The following SLC35F5 variants were observed in gnomAD, a reference collection of about 807,000 sequenced individuals.
SLC35F5 encodes solute carrier family 35 member F5.
A neutral mutation model predicts 68.6 loss-of-function variants in SLC35F5; 54 were observed. The ratio of observed to expected loss-of-function variants is 0.79; its 90% confidence interval spans 0.63 to 0.99. The LOEUF is 0.99. Among genes scored for constraint, SLC35F5 ranks in the 50% least tolerant of loss-of-function variants. SLC35F5 has a pLI of 0.00. For missense variants in SLC35F5, 567 were observed against 626.9 expected (o/e 0.90, Z 1.02); for synonymous variants, 211 against 205.2 (o/e 1.03, Z -0.24).
rs1168577781 is a variant in SLC35F5, at chr2:113,713,936, GA to G, written c.*1281del. ...AATAGGAAGCTAAACACTGCAAAGAGAATTCTTAAAAATCAGATTAGTTAAG... is the reference window on the plus strand; with the variant it reads ...AATAGGAAGCTAAACACTGCAAAGAGATTCTTAAAAATCAGATTAGTTAAG... On this transcript the variant is annotated 3_prime_UTR_variant, in exon 16 of 16. Coordinates refer to ENST00000245680, the MANE Select transcript of SLC35F5 (RefSeq NM_025181.5). 6.6e-6 allele frequency: 1 copy of G among 152,048 alleles called. No individual in the cohort carries two copies. The highest frequency in any genetic ancestry group is 2.4e-5 in the African/African-American group (1 of 41,420). The allele number at this position is 152,048 out of a possible 1,614,324, so 9.4% of individuals were successfully genotyped here.
rs1450814429 is a variant in SLC35F5, at chr2:113,711,709, C to T, written c.*3509G>A. 6.6e-6 allele frequency among the ~76,000 whole-genome samples: 1 copy of T among 152,146 alleles called. No homozygotes were observed. Among genetic ancestry groups the T allele is most frequent in the Non-Finnish European group, 1.5e-5 (1 of 68,034 alleles). On this transcript the variant is annotated 3_prime_UTR_variant, in exon 16 of 16. Coordinates refer to ENST00000245680, the MANE Select transcript of SLC35F5 (RefSeq NM_025181.5). ...AATGTTAGCTATGTAAGTTTATCTG[C>T]AGATGTTACAGGTAATTATTTCTGT...
At chr2:113,705,248 A>C (rs1252241697), downstream of SLC35F5, 3 of 152,304 alleles carry the variant, frequency 2.0e-5, no homozygotes, top group African/African-American at 7.2e-5. Context: ...GTCACCCTAG[A>C]GACCCTTGAA....
chr2:113,747,532 A>G (rs1369852594), intron 4 of SLC35F5, among the ~76,000 whole-genome samples: 2 of 152,222 alleles, frequency 1.3e-5, no homozygotes, highest in African/African-American at 4.8e-5. Context: ...AAGGGAGTCA[A>G]TGTAGAAAAA....
Position 113,712,721 on chromosome 2 carries a change from GGTCATAATTTGAAAC to G in SLC35F5, c.*2482_*2496del, listed in dbSNP as rs1687033572. 1 of 152,096 alleles carries G rather than the reference GGTCATAATTTGAAAC, an allele frequency of 6.6e-6. No individual in the cohort carries two copies. The allele number at this position is 152,096 out of a possible 1,614,324, so 9.4% of individuals were successfully genotyped here. A position where few individuals can be genotyped will look rare whatever the true frequency, so the allele number is the denominator to read the frequency against. ...GACAAAACAGACTTCCTTCAATCCAGGTCATAATTTGAAACGTTATACAATAATGAGATTTAAGTG... is the reference window on the plus strand; with the variant it reads ...GACAAAACAGACTTCCTTCAATCCAGGTTATACAATAATGAGATTTAAGTG... On this transcript the variant is annotated 3_prime_UTR_variant, in exon 16 of 16. Transcript: ENST00000245680.
At position 113,714,729 on chromosome 2, in the gene SLC35F5, A is replaced by G. The variant is rs938696246; in HGVS notation, c.*489T>C. ...AAATTAAACATTTTTTGTGTGGTTAATTTGCAATATTCTACAAAACCCAAA... is the reference window on the plus strand; with the variant it reads ...AAATTAAACATTTTTTGTGTGGTTAGTTTGCAATATTCTACAAAACCCAAA... On this transcript the variant is annotated 3_prime_UTR_variant, in exon 16 of 16. Coordinates refer to ENST00000245680, the MANE Select transcript of SLC35F5 (RefSeq NM_025181.5). 1.3e-5 allele frequency: 2 copies of G among 152,212 alleles called. No individual in the cohort carries two copies. The highest frequency in any genetic ancestry group is 4.8e-5 in the African/African-American group (2 of 41,456). 9.4% of individuals were successfully genotyped at this position (152,212 alleles called of 1,614,324 possible).
intron 3 of SLC35F5, among the ~76,000 whole-genome samples, chr2:113,752,714 A>G (rs1389321642): frequency 1.3e-5 from 2 of 152,178 alleles, no homozygotes; most frequent in East Asian, 3.8e-4. Context: ...GATACCACAA[A>G]TGCAATGCGT....
Position 113,707,797 on chromosome 2 carries a change from G to A in SLC35F5, c.*7421C>T, listed in dbSNP as rs528538511. Among the ~76,000 whole-genome samples the A allele has an allele frequency of 1.3e-5, 2 of 152,192 alleles. No homozygotes were observed. The highest frequency in any genetic ancestry group is 4.1e-4 in the South Asian group (2 of 4,822). ...ACTGGTTTTGAACTCCTAATCTCAG[G>A]TGATCCACCCGCCTCGGACTCCCAA... On this transcript the variant is annotated 3_prime_UTR_variant, in exon 16 of 16. Transcript: ENST00000245680.
At chr2:113,751,321 C>T (rs1458177420) in intron 3 of SLC35F5, among the ~76,000 whole-genome samples, 1 of 152,116 alleles carries the variant, frequency 6.6e-6, no homozygotes, top group African/African-American at 2.4e-5. Context: ...AGGTTATGGA[C>T]GTTTCCCAAG....
At chr2:113,744,973 CT>C (rs1225080054) in intron 5 of SLC35F5, among the ~76,000 whole-genome samples, 1 of 151,926 alleles carries the variant, frequency 6.6e-6, no homozygotes, top group African/African-American at 2.4e-5. Flanking sequence ...ATTAACAGAA[CT>C]TTTTTTTATT....
chr2:113,756,571 C>T lies in SLC35F5; in HGVS notation c.-162G>A. 6.9e-7 allele frequency: 1 copy of T among 1,439,408 alleles called. No individual in the cohort carries two copies. The highest frequency in any genetic ancestry group is 9.1e-7 in the Non-Finnish European group (1 of 1,099,800). The allele number at this position is 1,439,408 out of a possible 1,614,324, so 89.2% of individuals were successfully genotyped here. A position where few individuals can be genotyped will look rare whatever the true frequency, so the allele number is the denominator to read the frequency against. On this transcript the variant is annotated 5_prime_UTR_variant, in exon 1 of 16. Coordinates refer to ENST00000245680, the MANE Select transcript of SLC35F5 (RefSeq NM_025181.5). ...CCCGACACCACCCAACTCCACTCGG[C>T]CCAGGAGGGCGTGGAGCGGGTGAGG...
intron 1 of SLC35F5, chr2:113,755,947 T>C (rs1676966265): frequency 6.5e-7 from 1 of 1,550,314 alleles, no homozygotes; most frequent in Non-Finnish European, 8.7e-7. Flanking sequence ...GAGTGGAATT[T>C]GGTTATCGGA....
intron 3 of SLC35F5, among the ~76,000 whole-genome samples, chr2:113,752,833 T>C (rs1271556383): frequency 6.6e-6 from 1 of 152,188 alleles, no homozygotes; most frequent in Non-Finnish European, 1.5e-5. Flanking sequence ...CAGATGATCT[T>C]AAGGAATTAC....
downstream of SLC35F5, among the ~76,000 whole-genome samples, chr2:113,705,815 ATCTTT>A (rs1209056619): frequency 2.9e-5 from 4 of 136,026 alleles, no homozygotes; most frequent in Non-Finnish European, 6.6e-5. Context: ...TTTCATTCTT[ATCTTT>A]TGTCACTGAA....
intron 5 of SLC35F5, among the ~76,000 whole-genome samples, chr2:113,745,316 G>A (rs1245566695): frequency 6.6e-6 from 1 of 152,048 alleles, no homozygotes; most frequent in Admixed American, 6.6e-5. Flanking sequence ...GCATGCCATC[G>A]CAGTTCTAAA....
At chr2:113,720,390 A>G (rs1411636380) in intron 13 of SLC35F5, among the ~76,000 whole-genome samples, 1 of 151,830 alleles carries the variant, frequency 6.6e-6, no homozygotes, top group Non-Finnish European at 1.5e-5. Context: ...AACATATACT[A>G]TTCCATTTCA....
intron 1 of SLC35F5, 42 bp from the exon 2 acceptor site, chr2:113,755,586 C>A (rs745662594): frequency 7.8e-6 from 12 of 1,543,388 alleles, no homozygotes; most frequent in Admixed American, 5.2e-5. Context: ...ACGTGAATAA[C>A]TCAAGGTAAG....
At position 113,711,313 on chromosome 2, in the gene SLC35F5, C is replaced by T. The variant is rs1236724273; in HGVS notation, c.*3905G>A. ...ATATTTCAATGATTTCATTGTTTGA[C>T]ATTTTCATAGTTAACGTATACTGAA... On this transcript the variant is annotated 3_prime_UTR_variant, in exon 16 of 16. Transcript: ENST00000245680. Among the ~76,000 whole-genome samples the T allele has an allele frequency of 6.6e-6, 1 of 152,102 alleles. No homozygotes were observed. Among genetic ancestry groups the T allele is most frequent in the East Asian group, 1.9e-4 (1 of 5,196 alleles).
intron 4 of SLC35F5, among the ~76,000 whole-genome samples, chr2:113,749,385 A>T (rs557432989): frequency 2.6e-5 from 4 of 152,332 alleles, no homozygotes; most frequent in South Asian, 4.1e-4. Context: ...CTACGTACTC[A>T]GCTACTTGAG....
intron 7 of SLC35F5, among the ~76,000 whole-genome samples, chr2:113,738,050 T>C (rs1006557443): frequency 1.3e-5 from 2 of 151,296 alleles, no homozygotes; most frequent in Non-Finnish European, 2.9e-5. Flanking sequence ...CTGATTACCA[T>C]AGTCAAATTA....
Sources: gnomAD v4.1 joint callset for allele counts (sites outside exome capture counted in the v4.1 genomes callset) on GRCh38, gnomAD v4.1.1 for gene constraint, MANE v1.5 for transcripts, NCBI Gene and HGNC (gene_info 2026-07-23, HGNC 2026-07-21) for gene names.